Variants in KMO observed in about 807,000 individuals in gnomAD.
KMO encodes the protein kynurenine 3-monooxygenase, also known as kynurenine 3-hydroxylase.
A neutral mutation model predicts 57.8 loss-of-function variants in KMO; 24 were observed. The ratio of observed to expected loss-of-function variants is 0.42; its 90% confidence interval spans 0.30 to 0.58. KMO has a LOEUF of 0.58. KMO is among the 20% of genes least tolerant of loss of function. KMO has a pLI of 0.22. For missense variants in KMO, 483 were observed against 588.2 expected, an observed-to-expected ratio of 0.82 and a Z score of 1.85; for synonymous variants, 210 against 193.6, an observed-to-expected ratio of 1.08 and a Z score of -0.70.
At chr1:241,543,217 C>G (rs1351769410) in intron 1 of KMO, among the ~76,000 whole-genome samples, 2 of 152,144 alleles carry the variant, frequency 1.3e-5, no homozygotes, top group Non-Finnish European at 2.9e-5. Flanking sequence ...GTCCCCCACC[C>G]ATTAGAAGCA....
chr1:241,547,898 G>A (rs987653838), intron 1 of KMO, among the ~76,000 whole-genome samples: 1 of 151,864 alleles, frequency 6.6e-6, no homozygotes, highest in Non-Finnish European at 1.5e-5. Context: ...GTTATTTGAA[G>A]CATTGTTAAC....
chr1:241,567,693 G>A (rs2147966577), intron 9 of KMO, among the ~76,000 whole-genome samples: 1 of 152,318 alleles, frequency 6.6e-6, no homozygotes, highest in African/African-American at 2.4e-5. Context: ...CTGGCCCATA[G>A]CAGGTCTTTT....
At chr1:241,539,267 C>T (rs1014320532) in intron 1 of KMO, among the ~76,000 whole-genome samples, 1 of 151,902 alleles carries the variant, frequency 6.6e-6, no homozygotes, top group Non-Finnish European at 1.5e-5. Flanking sequence ...GCCTGTAGTC[C>T]CAGTTATTCG....
At chr1:241,589,511 A>G (rs1253378021) in intron 12 of KMO, among the ~76,000 whole-genome samples, 2 of 152,228 alleles carry the variant, frequency 1.3e-5, no homozygotes, top group Admixed American at 1.3e-4. Context: ...CAGATGTGGT[A>G]GAGGATAACC....
chr1:241,563,102 A>G (rs1253813559), intron 7 of KMO, among the ~76,000 whole-genome samples: 1 of 152,240 alleles, frequency 6.6e-6, no homozygotes. Flanking sequence ...TATAACCATG[A>G]TTAAATCAAA....
intron 10 of KMO, among the ~76,000 whole-genome samples, chr1:241,570,429 A>C (rs962855683): frequency 6.6e-6 from 1 of 152,030 alleles, no homozygotes; most frequent in African/African-American, 2.4e-5. Context: ...ATTTGTCTTT[A>C]ATCCACTTTC....
chr1:241,559,998 C>T (rs78510691), intron 5 of KMO, among the ~76,000 whole-genome samples: 4,594 of 152,166 alleles, frequency 0.03, 114 homozygotes, highest in South Asian at 0.051. Flanking sequence ...AATACATGAG[C>T]ATTAATAGGG....
chr1:241,586,868 C>G, intron 11 of KMO, 132 bp downstream of exon 11: 1 of 654,856 alleles, frequency 1.5e-6, no homozygotes, highest in Non-Finnish European at 2.6e-6. Context: ...ACATATTTTT[C>G]TACTAATAGT....
At chr1:241,574,866 A>G (rs113021859) in intron 10 of KMO, among the ~76,000 whole-genome samples, 1 of 151,952 alleles carries the variant, frequency 6.6e-6, no homozygotes, top group African/African-American at 2.4e-5. Flanking sequence ...ATGTCTGGTA[A>G]AATGCAACTG....
intron 12 of KMO, among the ~76,000 whole-genome samples, 160 bp downstream of exon 12, chr1:241,588,990 G>A (rs570143134): frequency 6.6e-6 from 1 of 152,284 alleles, no homozygotes; most frequent in South Asian, 2.1e-4. Context: ...TTAGACTTGG[G>A]TGGATTGTGA....
chr1:241,552,173 T>TGA (rs1233482633), intron 4 of KMO, among the ~76,000 whole-genome samples: 8 of 79,458 alleles, frequency 1.0e-4, no homozygotes, highest in African/African-American at 1.4e-4. Flanking sequence ...TGTGAGTGTG[T>TGA]GTGAGAGAGA....
At chr1:241,540,871 C>T (rs1212568637) in intron 1 of KMO, among the ~76,000 whole-genome samples, 5 of 152,050 alleles carry the variant, frequency 3.3e-5, no homozygotes, top group Non-Finnish European at 5.9e-5. Context: ...TGAGACCAGC[C>T]TTGGCAACAT....
At chr1:241,551,890 T>C (rs1661404552) in intron 4 of KMO, among the ~76,000 whole-genome samples, 1 of 152,080 alleles carries the variant, frequency 6.6e-6, no homozygotes, top group Non-Finnish European at 1.5e-5. Context: ...AGGACTGGGG[T>C]GGAGGCGGAG....
intron 8 of KMO, among the ~76,000 whole-genome samples, chr1:241,565,659 G>A (rs564944127): frequency 6.6e-6 from 1 of 152,008 alleles, no homozygotes; most frequent in Non-Finnish European, 1.5e-5. Context: ...CGAAGATGGA[G>A]GCTGCAGTAA....
At chr1:241,542,989 A>AT (rs1661011007) in intron 1 of KMO, among the ~76,000 whole-genome samples, 1 of 152,042 alleles carries the variant, frequency 6.6e-6, no homozygotes, top group African/African-American at 2.4e-5. Context: ...CTACTATTGT[A>AT]TTTTTTCTTT....
chr1:241,586,573 G>C lies in KMO; in HGVS notation c.958-106G>C, dbSNP rs768718728. 5.1e-6 allele frequency: 4 copies of C among 780,612 alleles called. No individual in the cohort carries two copies. The Admixed American group carries it at 7.5e-5, about 15-fold the overall frequency. 48.4% of individuals were successfully genotyped at this position (780,612 alleles called of 1,614,324 possible). On this transcript the variant is annotated intron_variant, in intron 10 of 14. Coordinates refer to ENST00000366559, the MANE Select transcript of KMO (RefSeq NM_003679.5). ...GCTATGTACTAGTTGAGAATAAACA[G>C]TGTATGAATTATCTTCACCAATGGA... is the stretch of plus-strand genomic sequence containing the variant.
intron 9 of KMO, among the ~76,000 whole-genome samples, 182 bp from the exon 10 acceptor site, chr1:241,568,318 G>T (rs1437840088): frequency 6.6e-6 from 1 of 152,104 alleles, no homozygotes; most frequent in Non-Finnish European, 1.5e-5. Context: ...GACCAAGAAG[G>T]TAATTAGAAT....
Position 241,549,777 on chromosome 1 carries a change from A to T in KMO, c.222+3A>T, listed in dbSNP as rs1239887686. On this transcript the variant is annotated splice_donor_region_variant and intron_variant, in intron 3 of 14. Coordinates refer to ENST00000366559, the MANE Select transcript of KMO (RefSeq NM_003679.5). ...AAGCTGTTGGCCTGGAAGATCAGGTACTTAATGTATCTTTCTTACAGAAGA... is the reference window on the plus strand; with the variant it reads ...AAGCTGTTGGCCTGGAAGATCAGGTTCTTAATGTATCTTTCTTACAGAAGA... The T allele has an allele frequency of 6.4e-7, 1 of 1,566,552 alleles. No individual in the cohort carries two copies. Among genetic ancestry groups the T allele is most frequent in the East Asian group, 2.3e-5 (1 of 44,380 alleles).
intron 4 of KMO, 126 bp downstream of exon 4, chr1:241,551,170 C>A: frequency 1.6e-6 from 1 of 617,690 alleles, no homozygotes; most frequent in Non-Finnish European, 2.9e-6. Context: ...AGTCTAGACC[C>A]CAGGAATACA....
Sources: gnomAD v4.1 joint callset for allele counts (sites outside exome capture counted in the v4.1 genomes callset) on GRCh38, gnomAD v4.1.1 for gene constraint, MANE v1.5 for transcripts, NCBI Gene and HGNC (gene_info 2026-07-23, HGNC 2026-07-21) for gene names.